The following TYW1B variants were observed in gnomAD, a reference collection of about 807,000 sequenced individuals.
The protein encoded by TYW1B is S-adenosyl-L-methionine-dependent tRNA 4-demethylwyosine synthase TYW1B.
In TYW1B, 73 loss-of-function variants were observed where a neutral mutation model predicts 86.9. The ratio of observed to expected loss-of-function variants is 0.84; its 90% CI spans 0.70 to 1.02. The LOEUF is 1.02. TYW1B is among the 50% of genes least tolerant of loss of function. The probability of loss-of-function intolerance (pLI) is 0.00; values close to 1 mark genes in which losing one functional copy is unlikely to be tolerated. For missense variants in TYW1B, 637 were observed against 827.4 expected, an observed-to-expected ratio of 0.77 and a Z score of 2.82; for synonymous variants, 248 against 292.8, an observed-to-expected ratio of 0.85 and a Z score of 1.56.
intron 11 of TYW1B, among the ~76,000 whole-genome samples, chr7:72,644,904 T>C (rs1161147631): frequency 6.7e-6 from 1 of 148,342 alleles, no homozygotes; most frequent in Non-Finnish European, 1.5e-5. Context: ...CTCGGCTCAC[T>C]GCAACCTCTG....
intron 3 of TYW1B, among the ~76,000 whole-genome samples, chr7:72,813,822 A>G (rs116539929): frequency 6.6e-6 from 1 of 151,964 alleles, no homozygotes; most frequent in African/African-American, 2.4e-5. Flanking sequence ...CGACACAAGC[A>G]TGGCCAATAT....
At chr7:72,646,106 G>C (rs1274592507) in intron 11 of TYW1B, among the ~76,000 whole-genome samples, 4 of 149,758 alleles carry the variant, frequency 2.7e-5, no homozygotes, top group Non-Finnish European at 6.0e-5. Context: ...GAGAGCAGTG[G>C]CACAATCATA....
intron 3 of TYW1B, among the ~76,000 whole-genome samples, chr7:72,813,062 T>C (rs1428926405): frequency 6.6e-6 from 1 of 152,114 alleles, no homozygotes; most frequent in African/African-American, 2.4e-5. Context: ...TATCTATGGC[T>C]GTTTTGTGCC....
intron 9 of TYW1B, among the ~76,000 whole-genome samples, chr7:72,725,527 C>A (rs1284792325): frequency 6.6e-6 from 1 of 152,134 alleles, no homozygotes; most frequent in Admixed American, 6.6e-5. Flanking sequence ...GTCTGGGTCA[C>A]GGCGTCCAGA....
chr7:72,825,017 GC>G (rs1554481188), intron 2 of TYW1B, among the ~76,000 whole-genome samples: 1 of 150,564 alleles, frequency 6.6e-6, no homozygotes, highest in East Asian at 2.0e-4. Flanking sequence ...GTGGGAGGAT[GC>G]CTTGAGCCCG....
intron 2 of TYW1B, among the ~76,000 whole-genome samples, chr7:72,822,108 T>C (rs1374292122): frequency 7.3e-6 from 1 of 136,326 alleles, no homozygotes; most frequent in Admixed American, 8.1e-5. Context: ...CCCAGCACTT[T>C]GGGAGGCCAA....
At chr7:72,780,290 T>C (rs1217183926) in intron 6 of TYW1B, among the ~76,000 whole-genome samples, 1 of 152,182 alleles carries the variant, frequency 6.6e-6, no homozygotes, top group African/African-American at 2.4e-5. Flanking sequence ...TAAAGAAGTC[T>C]TGTGGTGAAG....
intron 11 of TYW1B, among the ~76,000 whole-genome samples, chr7:72,678,101 T>C (rs1813777374): frequency 6.6e-6 from 1 of 152,196 alleles, no homozygotes; most frequent in Admixed American, 6.6e-5. Flanking sequence ...ATTATTATAT[T>C]AATTCTATTT....
In TYW1B at chr7:72,826,714, T is replaced by TA. The variant is rs1239608086; in HGVS notation, c.135+140dup. On this transcript the variant is annotated intron_variant, in intron 2 of 13. Coordinates refer to ENST00000620995, the MANE Select transcript of TYW1B (RefSeq NM_001145440.3). ...CAAGATAACTTAGTCTCCAAAAACTTAGAGAAGAAATTTATTTTAGGCATT... is the reference window on the plus strand; with the variant it reads ...CAAGATAACTTAGTCTCCAAAAACTTAAGAGAAGAAATTTATTTTAGGCATT... 7 of 1,151,728 alleles carry TA rather than the reference T, an allele frequency of 6.1e-6. No homozygotes were observed. In the African/African-American group the frequency reaches 6.4e-5, roughly 11 times the overall value. The allele number at this position is 1,151,728 out of a possible 1,614,324, so 71.3% of individuals were successfully genotyped here.
At chr7:72,757,798 A>G (rs561034003) in intron 7 of TYW1B, among the ~76,000 whole-genome samples, 1 of 152,236 alleles carries the variant, frequency 6.6e-6, no homozygotes, top group Non-Finnish European at 1.5e-5. Context: ...AACCTTACAC[A>G]GAAATACTTC....
At chr7:72,759,583 A>G (rs1056866332) in intron 7 of TYW1B, among the ~76,000 whole-genome samples, 17 of 152,188 alleles carry the variant, frequency 1.1e-4, no homozygotes, top group Admixed American at 1.3e-4. Context: ...ATCATTATTC[A>G]AAAAGACCTG....
chr7:72,708,178 C>A (rs1814657702), intron 10 of TYW1B, among the ~76,000 whole-genome samples: 1 of 152,080 alleles, frequency 6.6e-6, no homozygotes, highest in South Asian at 2.1e-4. Context: ...AAGACTGAAA[C>A]CCTTTTAGGG....
intron 4 of TYW1B, among the ~76,000 whole-genome samples, chr7:72,808,302 C>T (rs528760585): frequency 1.3e-5 from 2 of 151,940 alleles, no homozygotes; most frequent in African/African-American, 4.8e-5. Flanking sequence ...AATACAAAAA[C>T]TAGCTGGATG....
intron 12 of TYW1B, among the ~76,000 whole-genome samples, chr7:72,627,509 AC>A (rs879949321): frequency 0.032 from 4,692 of 145,272 alleles, 73 homozygotes; most frequent in East Asian, 0.12. Context: ...ACATAACATA[AC>A]ATAAATAAAA....
chr7:72,654,816 G>A (rs1813159525), intron 11 of TYW1B, among the ~76,000 whole-genome samples: 1 of 152,176 alleles, frequency 6.6e-6, no homozygotes, highest in Non-Finnish European at 1.5e-5. Context: ...AGGAGGCAGA[G>A]GTTGCAGTGA....
At chr7:72,824,157 T>C (rs1788887434) in intron 2 of TYW1B, among the ~76,000 whole-genome samples, 1 of 152,122 alleles carries the variant, frequency 6.6e-6, no homozygotes, top group African/African-American at 2.4e-5. Context: ...ACTCAAGTAG[T>C]GAAAACCTAA....
chr7:72,788,883 T>A (rs1212951441), intron 6 of TYW1B, among the ~76,000 whole-genome samples: 3 of 151,774 alleles, frequency 2.0e-5, no homozygotes, highest in African/African-American at 7.3e-5. Context: ...CAGGCTGGAG[T>A]GCAGTGCTGT....
intron 11 of TYW1B, among the ~76,000 whole-genome samples, chr7:72,675,460 G>A (rs1813712957): frequency 6.6e-6 from 1 of 151,310 alleles, no homozygotes; most frequent in African/African-American, 2.4e-5. Context: ...AAGTCAACTG[G>A]AAAAGGACAA....
intron 1 of TYW1B, among the ~76,000 whole-genome samples, chr7:72,827,272 GTGGCGCGCGC>G (rs1788950311): frequency 6.6e-6 from 1 of 152,150 alleles, no homozygotes; most frequent in African/African-American, 2.4e-5. Flanking sequence ...GCCGGGCATG[GTGGCGCGCGC>G]CTGTAATCCC....
Sources: allele counts gnomAD v4.1 joint callset (sites outside exome capture counted in the v4.1 genomes callset), GRCh38; gene constraint gnomAD v4.1.1; transcripts MANE v1.5; gene names NCBI Gene and HGNC (gene_info 2026-07-23, HGNC 2026-07-21).